The following PAK5 variants were observed in gnomAD, a reference collection of about 807,000 sequenced individuals.
The protein encoded by PAK5 is p21 (RAC1) activated kinase 5.
Under a neutral mutation model 65.9 loss-of-function variants are expected in PAK5, and 16 were observed. That is an observed-to-expected ratio of 0.24 (90% CI 0.16 to 0.37). The LOEUF is 0.37. PAK5 is among the 10% of genes least tolerant of loss of function. The probability of loss-of-function intolerance (pLI) is 1.00; values close to 1 mark genes in which losing one functional copy is unlikely to be tolerated. For missense variants in PAK5, 785 were observed against 903.9 expected (o/e 0.87, Z 1.69); for synonymous variants, 371 against 354.9 (o/e 1.05, Z -0.51).
intron 2 of PAK5, among the ~76,000 whole-genome samples, chr20:9,673,715 G>A (rs553560121): frequency 6.6e-6 from 1 of 152,084 alleles, no homozygotes; most frequent in African/African-American, 2.4e-5. Context: ...TGTTCTTTGA[G>A]CTCCTACTTG....
chr20:9,571,879 G>T (rs868652569), intron 4 of PAK5, among the ~76,000 whole-genome samples: 3 of 144,444 alleles, frequency 2.1e-5, no homozygotes, highest in African/African-American at 5.1e-5. Flanking sequence ...AATGATGGGG[G>T]GGGGGGATGT....
intron 3 of PAK5, among the ~76,000 whole-genome samples, chr20:9,584,953 G>A (rs2046043040): frequency 6.6e-6 from 1 of 151,320 alleles, no homozygotes; most frequent in African/African-American, 2.4e-5. Flanking sequence ...TGTGCCACAT[G>A]GGTAATGAGT....
intron 3 of PAK5, among the ~76,000 whole-genome samples, chr20:9,640,024 G>A (rs1181872159): frequency 6.6e-6 from 1 of 152,136 alleles, no homozygotes; most frequent in Non-Finnish European, 1.5e-5. Context: ...TAACAAGACG[G>A]CACATGTCCT....
intron 9 of PAK5, among the ~76,000 whole-genome samples, 193 bp downstream of exon 9, chr20:9,542,393 T>G (rs1394658297): frequency 6.6e-6 from 1 of 152,172 alleles, no homozygotes; most frequent in South Asian, 2.1e-4. Context: ...AACTTTGGCA[T>G]AGGAAAGGCT....
At chr20:9,699,822 T>C (rs1356606467) in intron 2 of PAK5, among the ~76,000 whole-genome samples, 1 of 152,124 alleles carries the variant, frequency 6.6e-6, no homozygotes, top group African/African-American at 2.4e-5. Context: ...GTGATGGAGA[T>C]GTCTCAGTTG....
chr20:9,542,829 C>G (rs1296142005), intron 8 of PAK5, 109 bp from the exon 9 acceptor site: 1 of 934,468 alleles, frequency 1.1e-6, no homozygotes, highest in African/African-American at 1.7e-5. Flanking sequence ...CACTTGTAAC[C>G]TCTCAACATT....
At chr20:9,751,119 T>G (rs909893123) in intron 1 of PAK5, among the ~76,000 whole-genome samples, 1 of 152,214 alleles carries the variant, frequency 6.6e-6, no homozygotes, top group African/African-American at 2.4e-5. Flanking sequence ...GAATAATTAC[T>G]ACTGTATAGA....
intron 2 of PAK5, among the ~76,000 whole-genome samples, chr20:9,677,109 C>T (rs779954663): frequency 2.1e-4 from 32 of 149,794 alleles, no homozygotes; most frequent in Non-Finnish European, 3.6e-4. Flanking sequence ...AATTATTTTG[C>T]ATGGAAGACA....
chr20:9,836,442 A>T (rs905034254), intron 1 of PAK5, among the ~76,000 whole-genome samples: 1 of 152,356 alleles, frequency 6.6e-6, no homozygotes, highest in Non-Finnish European at 1.5e-5. Flanking sequence ...GGAAGATGCC[A>T]TGTGAATACA....
intron 2 of PAK5, among the ~76,000 whole-genome samples, chr20:9,669,732 C>T (rs2047468099): frequency 6.6e-6 from 1 of 151,780 alleles, no homozygotes. Context: ...TATAAAGGTA[C>T]ACCTCACTTT....
intron 2 of PAK5, among the ~76,000 whole-genome samples, chr20:9,700,447 C>T (rs1206088782): frequency 1.3e-5 from 2 of 152,096 alleles, no homozygotes; most frequent in East Asian, 3.9e-4. Context: ...CACAGCATTC[C>T]ACTGAATGAA....
Position 9,623,312 on chromosome 20 carries a change from T to A in PAK5, c.204+20813A>T, listed in dbSNP as rs552774380. Among the ~76,000 whole-genome samples the A allele has an allele frequency of 2.0e-5, 3 of 151,688 alleles. No individual in the cohort carries two copies. In the East Asian group the frequency reaches 5.8e-4, roughly 30 times the overall value. On this transcript the variant is annotated intron_variant, in intron 3 of 9. Coordinates refer to ENST00000353224, the MANE Select transcript of PAK5 (RefSeq NM_177990.4). ...TCACAACAGCACAGAAAGTGGAGAA[T>A]CCATTAGTGGAATGGAACAGTGGAA...
intron 1 of PAK5, among the ~76,000 whole-genome samples, chr20:9,742,669 A>C (rs1008032594): frequency 1.3e-5 from 2 of 152,108 alleles, no homozygotes; most frequent in Non-Finnish European, 2.9e-5. Context: ...TTCAGGATGG[A>C]CCTAAAAAAA....
chr20:9,723,679 G>A (rs2048242951), intron 1 of PAK5, among the ~76,000 whole-genome samples: 1 of 152,128 alleles, frequency 6.6e-6, no homozygotes. Context: ...CAGCTGGCAG[G>A]TGCAGAATGA....
At chr20:9,593,844 C>A (rs909237844) in intron 3 of PAK5, among the ~76,000 whole-genome samples, 5 of 152,178 alleles carry the variant, frequency 3.3e-5, no homozygotes, top group African/African-American at 9.7e-5. Flanking sequence ...CTCTCTCTCT[C>A]TCCCCCTCCT....
At chr20:9,737,803 T>C (rs62192861) in intron 1 of PAK5, among the ~76,000 whole-genome samples, 41,044 of 152,080 alleles carry the variant, frequency 0.27, 5,880 homozygotes, top group South Asian at 0.44. Context: ...CTTATTAGAA[T>C]TGCTATAATT....
intron 3 of PAK5, among the ~76,000 whole-genome samples, chr20:9,639,185 C>T (rs897710495): frequency 1.3e-5 from 2 of 152,056 alleles, no homozygotes; most frequent in Non-Finnish European, 2.9e-5. Flanking sequence ...TCCAGAGAAG[C>T]CATTTTCAAA....
rs1378653648 is a variant in PAK5 at position 9,629,889 on chromosome 20, A to C, written c.204+14236T>G. Among the ~76,000 whole-genome samples, 9 of 152,220 alleles carry C rather than the reference A, an allele frequency of 5.9e-5. No homozygotes were observed. The East Asian group carries it at 1.7e-3, about 29-fold the overall frequency. On this transcript the variant is annotated intron_variant, in intron 3 of 9. Transcript: ENST00000353224. ...AATGACATGAACAGACTCAGAGTAG[A>C]AAACTGGACATTGAGGATGCTGATG...
Position 9,644,167 on chromosome 20 carries a change from C to A in PAK5, c.162G>T (p.Val54=). Residue 54 remains valine (V), a synonymous_variant, in exon 3 of 10, where the codon GTG becomes GTT. Coordinates refer to ENST00000353224, the MANE Select transcript of PAK5 (RefSeq NM_177990.4). ...GGATGGGTGTGATGCATGAAGGGTC[C>A]ACCATAGGCTTTGGCCTGTTGGCCG... is the stretch of plus-strand genomic sequence containing the variant. ...ADTANRPKPM[V]DPSCITPIQL... 5 of 1,611,940 alleles carry A rather than the reference C, an allele frequency of 3.1e-6. No individual in the cohort carries two copies. The highest frequency in any genetic ancestry group is 4.2e-6 in the Non-Finnish European group (5 of 1,179,492).
Sources: allele counts gnomAD v4.1 joint callset (sites outside exome capture counted in the v4.1 genomes callset), GRCh38; gene constraint gnomAD v4.1.1; transcripts MANE v1.5; gene names NCBI Gene and HGNC (gene_info 2026-07-23, HGNC 2026-07-21).